Variants in TRPM5 observed in about 807,000 individuals in gnomAD.
TRPM5 encodes MLSN1 and TRP-related.
A neutral mutation model predicts 124.9 loss-of-function variants in TRPM5; 121 were observed. That is an observed-to-expected ratio of 0.97 (90% CI 0.84 to 1.13). TRPM5 has a LOEUF of 1.13. Ranked by LOEUF, TRPM5 falls within the 50% of genes most tolerant of loss-of-function variation. The probability of loss-of-function intolerance (pLI) is 0.00; values close to 1 mark genes in which losing one functional copy is unlikely to be tolerated. For missense variants in TRPM5, 1,643 were observed against 1,589.1 expected (o/e 1.03, Z -0.58); for synonymous variants, 781 against 700.5 (o/e 1.11, Z -1.81).
chr11:2,417,633 G>C, intron 7 of TRPM5, 94 bp downstream of exon 12: 3 of 971,306 alleles, frequency 3.1e-6, no homozygotes, highest in Admixed American at 2.2e-5. Flanking sequence ...GCGGCCGAGC[G>C]TCACAAACAT....
intron 4 of TRPM5, 55 bp from the exon 10 acceptor site, chr11:2,418,646 G>A (rs886278): frequency 0.39 from 604,051 of 1,542,538 alleles, 121,885 homozygotes; most frequent in East Asian, 0.7. Context: ...GTGACCACCC[G>A]GATCTCAGGC....
At position 2,414,698 on chromosome 11, in the gene TRPM5, A is replaced by T; in HGVS notation, c.1744+17T>A. The stretch of plus-strand genomic sequence containing the variant: ...CTCCCCCGCGCGCGGGCCCGGCCCC[A>T]GCCGCCGGTCACTCACCAAGGGCCA... On this transcript the variant is annotated intron_variant, in intron 11 of 23. Transcript: ENST00000155858. 6.6e-7 allele frequency: 1 copy of T among 1,526,174 alleles called. No individual in the cohort carries two copies. Among genetic ancestry groups the T allele is most frequent in the Non-Finnish European group, 8.8e-7 (1 of 1,137,030 alleles). 94.5% of individuals were successfully genotyped at this position (1,526,174 alleles called of 1,614,324 possible).
rs555783253 is a variant in TRPM5 at position 2,418,073 on chromosome 11, G to C, written c.906+94C>G. 39 of 1,225,774 alleles carry C rather than the reference G, an allele frequency of 3.2e-5. No individual in the cohort carries two copies. In the East Asian group the frequency reaches 9.8e-4, roughly 31 times the overall value. 75.9% of individuals were successfully genotyped at this position (1,225,774 alleles called of 1,614,324 possible). A position where few individuals can be genotyped will look rare whatever the true frequency, so the allele number is the denominator to read the frequency against. The stretch of plus-strand genomic sequence containing the variant: ...GGCCCAGCAGCCTGAGGTGGGAGGA[G>C]TGGGCTGGAGGCTGCATTGCAGGAA... On this transcript the variant is annotated intron_variant, in intron 6 of 23. Transcript: ENST00000155858.
At chr11:2,418,272 C>G in exon 6 of TRPM5, 4 of 1,581,952 alleles carry the variant, frequency 2.5e-6, no homozygotes, top group Non-Finnish European at 2.6e-6. Flanking sequence ...GGGGCTGGTT[C>G]ACTAGGGCAG....
chr11:2,413,168 T>A, exon 14 of TRPM5: 1 of 1,552,414 alleles, frequency 6.4e-7, no homozygotes, highest in Non-Finnish European at 8.7e-7. Flanking sequence ...CTCTTCTCCG[T>A]GTCCAGGCTG....
chr11:2,415,326 T>C (rs1845648642), exon 9 of TRPM5: 1 of 1,585,458 alleles, frequency 6.3e-7, no homozygotes, highest in African/African-American at 1.3e-5. Context: ...GAGCAGGCTC[T>C]TGCGTGACAC....
chr11:2,405,935 C>T, intron 22 of TRPM5, 84 bp downstream of exon 27: 1 of 1,255,406 alleles, frequency 8.0e-7, no homozygotes, highest in South Asian at 1.2e-5. Flanking sequence ...CTGTGAGTGA[C>T]CGGGCAGGGC....
At chr11:2,435,248 C>T in the TRPM5 span, among the ~76,000 whole-genome samples, 6 of 152,124 alleles carry the variant, frequency 3.9e-5, no homozygotes, top group Non-Finnish European at 8.8e-5. This position sits in a 1 kb window ranked among gnomAD's most constrained non-coding sequence, Gnocchi z 4.1. Context: ...GGAGGCCCAG[C>T]GGCTGCAAGA....
chr11:2,420,208 G>A lies in TRPM5; in HGVS notation c.649+14C>T, dbSNP rs749735743. On this transcript the variant is annotated intron_variant, in intron 4 of 23. Transcript: ENST00000155858. ...GGTCCCAAGGCTTCCCTGGGTGGCTGGGGCGGGTCTCACCCCCGTAGCCCG... is the reference window on the plus strand; with the variant it reads ...GGTCCCAAGGCTTCCCTGGGTGGCTAGGGCGGGTCTCACCCCCGTAGCCCG... The A allele has an allele frequency of 3.8e-6, 6 of 1,578,446 alleles. No individual in the cohort carries two copies. The highest frequency in any genetic ancestry group is 5.1e-6 in the Non-Finnish European group (6 of 1,166,678).
At chr11:2,421,751 G>T (rs1845774982) in intron 2 of TRPM5, among the ~76,000 whole-genome samples, 1 of 152,182 alleles carries the variant, frequency 6.6e-6, no homozygotes, top group Non-Finnish European at 1.5e-5. Flanking sequence ...GTCCCACCCT[G>T]TATACACCCG....
the TRPM5 span, among the ~76,000 whole-genome samples, chr11:2,430,740 ATGGTGT>A: frequency 2.3e-5 from 1 of 44,256 alleles, no homozygotes; most frequent in Non-Finnish European, 4.6e-5. Context: ...GGTGATGGTG[ATGGTGT>A]TGGTGGTGGT....
intron 16 of TRPM5, 79 bp from the exon 22 acceptor site, chr11:2,411,846 T>C: frequency 6.4e-7 from 1 of 1,570,758 alleles, no homozygotes; most frequent in East Asian, 2.3e-5. Flanking sequence ...GCATGCTGGC[T>C]GCGGGCAGGG....
At chr11:2,428,841 T>C in the TRPM5 span, among the ~76,000 whole-genome samples, 4 of 151,298 alleles carry the variant, frequency 2.6e-5, no homozygotes, top group Non-Finnish European at 4.4e-5. The surrounding 1 kb of genome is among the most constrained non-coding windows in gnomAD (Gnocchi z 4.0). Context: ...ATGGTGGTTA[T>C]TGCAGTGGTA....
At chr11:2,432,941 C>A in the TRPM5 span, among the ~76,000 whole-genome samples, 1 of 152,266 alleles carries the variant, frequency 6.6e-6, no homozygotes, top group Non-Finnish European at 1.5e-5. Flanking sequence ...CAAGCTCTGC[C>A]AGTGGTGCCT....
chr11:2,405,522 C>T lies in TRPM5; in HGVS notation c.3391+5G>A. 6.4e-7 allele frequency: 1 copy of T among 1,556,698 alleles called. No individual in the cohort carries two copies. Among genetic ancestry groups the T allele is most frequent in the Non-Finnish European group, 8.7e-7 (1 of 1,150,122 alleles). On this transcript the variant is annotated splice_donor_5th_base_variant and intron_variant, in intron 23 of 23. Coordinates refer to ENST00000155858, the Ensembl canonical transcript of TRPM5. ...CCTCATCCCACGCTCCCCAAACAGG[C>T]TTACTCCGGGGGCCGCCACCCTGGG...
chr11:2,410,764 G>T, intron 18 of TRPM5: 1 of 438,504 alleles, frequency 2.3e-6, no homozygotes, highest in South Asian at 1.6e-5. Context: ...GCATGGGCAG[G>T]CCACACACAC....
chr11:2,428,040 C>A (rs1266817546), upstream of TRPM5, among the ~76,000 whole-genome samples: 6 of 152,222 alleles, frequency 3.9e-5, no homozygotes, highest in African/African-American at 1.4e-4. This position sits in a 1 kb window ranked among gnomAD's most constrained non-coding sequence, Gnocchi z 4.0. Flanking sequence ...ACTGTCCCTG[C>A]ATCCGGAGTC....
At chr11:2,434,741 G>T in the TRPM5 span, among the ~76,000 whole-genome samples, 1 of 152,164 alleles carries the variant, frequency 6.6e-6, no homozygotes, top group African/African-American at 2.4e-5. Flanking sequence ...TGTCTGTGGT[G>T]TGCAGGTGCT....
chr11:2,422,194 G>C, exon 2 of TRPM5: 1 of 1,612,326 alleles, frequency 6.2e-7, no homozygotes, highest in Non-Finnish European at 8.5e-7. Context: ...CCGCAGCCAG[G>C]ACTTCATGGC....
Sources: allele counts gnomAD v4.1 joint callset (sites outside exome capture counted in the v4.1 genomes callset), GRCh38; gene constraint gnomAD v4.1.1; non-coding constraint Gnocchi (gnomAD v3.1); transcripts MANE v1.5; gene names NCBI Gene and HGNC (gene_info 2026-07-23, HGNC 2026-07-21).